Variants in SCMH1 observed in about 807,000 individuals in gnomAD.
SCMH1 encodes Scm polycomb group protein homolog 1, also known as polycomb protein SCMH1.
A neutral mutation model predicts 70.8 loss-of-function variants in SCMH1; 37 were observed. That is an observed-to-expected ratio of 0.52 (90% confidence interval 0.40 to 0.69). The LOEUF (loss-of-function observed/expected upper bound fraction) is 0.69, where lower values mean the gene tolerates loss of function less well. SCMH1 is among the 30% of genes least tolerant of loss of function. The pLI is 0.00. For missense variants in SCMH1, 607 were observed against 827.3 expected (o/e 0.73, Z 3.27); for synonymous variants, 292 against 307.4 (o/e 0.95, Z 0.52).
rs139281896 is a variant in SCMH1 at position 41,167,995 on chromosome 1, A to C, written c.14-6563T>G. ...CTGTAAGGTTTCTGCTGTGAAATCC[A>C]CTGCTGGCCTTAGGGTGGTTCCCTT... is the stretch of plus-strand genomic sequence containing the variant. On this transcript the variant is annotated intron_variant, in intron 2 of 14. Transcript: ENST00000337495. Among the ~76,000 whole-genome samples, 968 of 143,734 alleles carry C rather than the reference A, an allele frequency of 6.7e-3. 7 individuals are homozygous for C. The highest frequency in any genetic ancestry group is 0.015 in the Middle Eastern group (4 of 274). 94.3% of individuals were successfully genotyped at this position (143,734 alleles called of 152,430 possible). A position where few individuals can be genotyped will look rare whatever the true frequency, so the allele number is the denominator to read the frequency against.
At chr1:41,103,336 TTCACCATG>T (rs1248470686) in intron 8 of SCMH1, among the ~76,000 whole-genome samples, 3 of 152,078 alleles carry the variant, frequency 2.0e-5, no homozygotes, top group Admixed American at 2.0e-4. Context: ...GAGATGGAGT[TTCACCATG>T]TTGGCCAGGC....
intron 6 of SCMH1, among the ~76,000 whole-genome samples, chr1:41,122,623 A>AAGAATTTATTAATCATC (rs1672225425): frequency 6.6e-6 from 1 of 152,208 alleles, no homozygotes; most frequent in Non-Finnish European, 1.5e-5. Context: ...CAACATGGGG[A>AAGAATTTATTAATCATC]AGAATTTATT....
intron 1 of SCMH1, among the ~76,000 whole-genome samples, chr1:41,198,877 T>C (rs924099880): frequency 6.6e-5 from 10 of 152,140 alleles, no homozygotes; most frequent in Non-Finnish European, 1.2e-4. Flanking sequence ...CAGAGAATGG[T>C]ATATACTCCT....
chr1:41,223,678 C>T (rs1018314384), intron 1 of SCMH1, among the ~76,000 whole-genome samples: 1 of 152,000 alleles, frequency 6.6e-6, no homozygotes, highest in Non-Finnish European at 1.5e-5. Context: ...ATGATGCAAG[C>T]TAATTTCCAG....
intron 13 of SCMH1, among the ~76,000 whole-genome samples, chr1:41,030,941 T>C (rs1644433787): frequency 6.6e-6 from 1 of 152,236 alleles, no homozygotes; most frequent in Non-Finnish European, 1.5e-5. Flanking sequence ...CTCACGTCTG[T>C]ATCTACAGCA....
intron 7 of SCMH1, among the ~76,000 whole-genome samples, chr1:41,114,215 C>T (rs1465516050): frequency 1.3e-5 from 2 of 152,050 alleles, no homozygotes; most frequent in Non-Finnish European, 2.9e-5. Flanking sequence ...ATATATACAT[C>T]TTCTGCTTTA....
intron 1 of SCMH1, among the ~76,000 whole-genome samples, chr1:41,202,103 G>A (rs1654486627): frequency 6.6e-6 from 1 of 151,880 alleles, no homozygotes; most frequent in South Asian, 2.1e-4. Flanking sequence ...GTGCAGTGGT[G>A]CGATCTTGGC....
intron 8 of SCMH1, among the ~76,000 whole-genome samples, chr1:41,082,617 A>G (rs973017811): frequency 6.6e-6 from 1 of 152,200 alleles, no homozygotes; most frequent in African/African-American, 2.4e-5. Flanking sequence ...AAACATGCCA[A>G]AAACATGCCA....
At chr1:41,143,713 A>G (rs1295337198) in intron 5 of SCMH1, among the ~76,000 whole-genome samples, 1 of 152,112 alleles carries the variant, frequency 6.6e-6, no homozygotes, top group Non-Finnish European at 1.5e-5. Context: ...ATTATCCTCA[A>G]GCTCTCACAT....
intron 1 of SCMH1, among the ~76,000 whole-genome samples, chr1:41,191,019 T>G (rs1210478315): frequency 6.6e-6 from 1 of 152,182 alleles, no homozygotes; most frequent in Non-Finnish European, 1.5e-5. Context: ...GGATTACTGG[T>G]GTGCATCAAT....
chr1:41,235,151 A>C (rs1662105908), intron 1 of SCMH1, among the ~76,000 whole-genome samples: 1 of 152,146 alleles, frequency 6.6e-6, no homozygotes, highest in East Asian at 1.9e-4. Context: ...GCCTATATTA[A>C]ATCATTTCAG....
At chr1:41,047,524 G>A (rs989219327) in intron 11 of SCMH1, among the ~76,000 whole-genome samples, 2 of 151,606 alleles carry the variant, frequency 1.3e-5, no homozygotes, top group African/African-American at 2.4e-5. Context: ...AGCCTCCCGA[G>A]TATCTGGGAC....
At chr1:41,079,698 CA>C (rs1659421867) in intron 8 of SCMH1, among the ~76,000 whole-genome samples, 1 of 152,058 alleles carries the variant, frequency 6.6e-6, no homozygotes, top group Admixed American at 6.6e-5. Context: ...CCCATCTCTA[CA>C]AAAACAAATT....
chr1:41,242,210 T>G (rs964228647), upstream of SCMH1: 1 of 86,394 alleles, frequency 1.2e-5, no homozygotes, highest in East Asian at 3.8e-4. The surrounding 1 kb of genome is among the most constrained non-coding windows in gnomAD (Gnocchi z 5.2). Context: ...GAGCTGGCGG[T>G]GGCGGCTGAG....
chr1:41,229,266 G>C (rs1660856707), intron 1 of SCMH1, among the ~76,000 whole-genome samples: 1 of 152,052 alleles, frequency 6.6e-6, no homozygotes, highest in Non-Finnish European at 1.5e-5. Flanking sequence ...GCCATGCACT[G>C]TGATAGGAGT....
chr1:41,037,682 T>C (rs1645498878), intron 12 of SCMH1, 141 bp from the exon 13 acceptor site: 2 of 691,868 alleles, frequency 2.9e-6, no homozygotes, highest in Non-Finnish European at 4.9e-6. Flanking sequence ...CCAGTCATGG[T>C]TGTGGCTGTC....
chr1:41,179,613 GAA>G (rs1479145499), intron 2 of SCMH1, among the ~76,000 whole-genome samples: 1 of 152,160 alleles, frequency 6.6e-6, no homozygotes, highest in Non-Finnish European at 1.5e-5. Flanking sequence ...AGGATATCTA[GAA>G]GAAATGGATA....
intron 2 of SCMH1, among the ~76,000 whole-genome samples, chr1:41,181,445 C>T (rs1482332403): frequency 6.6e-6 from 1 of 152,148 alleles, no homozygotes; most frequent in Non-Finnish European, 1.5e-5. Flanking sequence ...TTGCAATCTA[C>T]TCATCTCACA....
intron 1 of SCMH1, among the ~76,000 whole-genome samples, chr1:41,200,021 G>A (rs1030691406): frequency 7.2e-5 from 11 of 152,120 alleles, no homozygotes; most frequent in African/African-American, 2.7e-4. Context: ...ACAGAGGCTT[G>A]GCAAACAGGC....
Sources: allele counts gnomAD v4.1 joint callset (sites outside exome capture counted in the v4.1 genomes callset), GRCh38; gene constraint gnomAD v4.1.1; non-coding constraint Gnocchi (gnomAD v3.1); transcripts MANE v1.5; gene names NCBI Gene and HGNC (gene_info 2026-07-23, HGNC 2026-07-21).